Variants in TOGARAM2 observed in about 807,000 individuals in gnomAD.
TOGARAM2 encodes TOG array regulator of axonemal microtubules protein 2.
In TOGARAM2, 85 loss-of-function variants were observed where a neutral mutation model predicts 93.3. That is an observed-to-expected ratio of 0.91 (90% confidence interval 0.76 to 1.09). The LOEUF (loss-of-function observed/expected upper bound fraction) is 1.09. Among genes scored for constraint, TOGARAM2 ranks in the 50% least tolerant of loss-of-function variants. The pLI is 0.00. For synonymous variants in TOGARAM2, 593 were observed against 552.8 expected (o/e 1.07, Z -1.02); for missense variants, 1,277 against 1,334.5 (o/e 0.96, Z 0.67).
intron 1 of TOGARAM2, among the ~76,000 whole-genome samples, chr2:28,965,038 G>A (rs574038720): frequency 5.3e-5 from 8 of 152,154 alleles, no homozygotes; most frequent in South Asian, 2.1e-4. Context: ...TGGTATTTCC[G>A]GTTCTAGATC....
rs1239999924 is a variant in TOGARAM2, at chr2:28,999,388, G to C, written c.347G>C (p.Ser116Thr). Residue 116 changes from serine (S) to threonine (T), a missense_variant, in exon 4 of 20, where the codon AGC becomes ACC. Coordinates refer to ENST00000379558, the MANE Select transcript of TOGARAM2 (RefSeq NM_199280.4). The stretch of plus-strand genomic sequence containing the variant: ...CCTTCTCCGGAGTCAGAGGCCAACA[G>C]CGTGGCCAGGGACACCATCCAGATT... ...LLPSPESEAN[S>T]VARDTIQIKD... 6.2e-7 allele frequency: 1 copy of C among 1,613,428 alleles called. No homozygotes were observed. The highest frequency in any genetic ancestry group is 8.5e-7 in the Non-Finnish European group (1 of 1,179,686).
chr2:29,029,300 G>GACACACACACACAC (rs1558453550), intron 14 of TOGARAM2, among the ~76,000 whole-genome samples: 5 of 86,092 alleles, frequency 5.8e-5, no homozygotes. Flanking sequence ...CACACACACT[G>GACACACACACACAC]GAATACTTAG....
chr2:29,034,460 G>A (rs879633331), intron 16 of TOGARAM2, among the ~76,000 whole-genome samples: 6 of 152,198 alleles, frequency 3.9e-5, no homozygotes, highest in Admixed American at 3.9e-4. Flanking sequence ...AGCTCCTAAC[G>A]GCAAAGGCTG....
Position 29,024,056 on chromosome 2 carries a change from G to A in TOGARAM2, c.1618-83G>A, listed in dbSNP as rs61630439. 8.9e-3 allele frequency: 10,370 copies of A among 1,162,852 alleles called. 479 individuals are homozygous for A. The African/African-American group carries it at 0.11, about 13-fold the overall frequency. The allele number at this position is 1,162,852 out of a possible 1,614,324, so 72.0% of individuals were successfully genotyped here. The stretch of plus-strand genomic sequence containing the variant: ...GGGAAGGGTGGGGGTGGAGGAAGAG[G>A]GTGGTGCAGGGCCCATTTTCCATGC... On this transcript the variant is annotated intron_variant, in intron 12 of 19. Transcript: ENST00000379558.
chr2:29,017,984 G>A (rs752866935), intron 10 of TOGARAM2, 28 bp downstream of exon 10: 14 of 1,564,766 alleles, frequency 8.9e-6, no homozygotes, highest in South Asian at 4.8e-5. Flanking sequence ...GCAGGCACAC[G>A]TGTCCCTCTG....
intron 1 of TOGARAM2, among the ~76,000 whole-genome samples, chr2:28,964,848 C>T (rs1231398825): frequency 6.6e-6 from 1 of 152,164 alleles, no homozygotes; most frequent in Non-Finnish European, 1.5e-5. Flanking sequence ...CATAGTATTC[C>T]ATGGTGTATG....
chr2:29,013,475 C>T (rs147555640), intron 7 of TOGARAM2, among the ~76,000 whole-genome samples: 2 of 152,168 alleles, frequency 1.3e-5, no homozygotes, highest in Admixed American at 6.5e-5. Flanking sequence ...AGTCCAAGTT[C>T]GAAAGCCTCA....
intron 1 of TOGARAM2, among the ~76,000 whole-genome samples, chr2:28,963,810 C>G (rs936095379): frequency 6.6e-6 from 1 of 152,132 alleles, no homozygotes; most frequent in Non-Finnish European, 1.5e-5. Context: ...GAGTTCAAGA[C>G]CAGCCTGGCC....
chr2:28,994,686 T>C, intron 1 of TOGARAM2, 39 bp from the exon 2 acceptor site: 1 of 707,772 alleles, frequency 1.4e-6, no homozygotes. Context: ...AAGTGTTAAT[T>C]TGCTTTTACT....
At chr2:29,045,283 C>T (rs371603728) in intron 18 of TOGARAM2, 41 bp from the exon 19 acceptor site, 42 of 1,535,576 alleles carry the variant, frequency 2.7e-5, no homozygotes, top group Admixed American at 2.2e-4. Flanking sequence ...TGTCACTCAG[C>T]CCCCAGCAGT....
chr2:29,026,432 C>A (rs757001943), intron 13 of TOGARAM2, among the ~76,000 whole-genome samples: 2 of 152,086 alleles, frequency 1.3e-5, no homozygotes, highest in South Asian at 4.2e-4. Context: ...ACAAAGACAG[C>A]GCTACCTTGG....
At chr2:29,033,139 GT>G in intron 15 of TOGARAM2, 88 bp downstream of exon 15, 1 of 1,032,290 alleles carries the variant, frequency 9.7e-7, no homozygotes. Flanking sequence ...GGTCAGGGGA[GT>G]GGGGAGTGGA....
chr2:28,991,289 G>A lies in TOGARAM2; in HGVS notation c.-110-3436G>A, dbSNP rs1184296688. On this transcript the variant is annotated intron_variant, in intron 1 of 19. Transcript: ENST00000379558. ...TCTGAGCCCACAGCCAGTGTTCTGG[G>A]AGTTCTGAGTTGGACACTGGGTGCA... Among the ~76,000 whole-genome samples, 4 of 152,256 alleles carry A rather than the reference G, an allele frequency of 2.6e-5. No individual in the cohort carries two copies. In the East Asian group the frequency reaches 7.7e-4, roughly 29 times the overall value.
rs557311925 is a variant in TOGARAM2, at chr2:29,014,631, T to C, written c.1044+70T>C. ...CGCAGGCTGCAGGAAGGCAAGCAAG[T>C]GTCTGAAGTATTCAAGAGTGGGACC... On this transcript the variant is annotated intron_variant, in intron 8 of 19. Coordinates refer to ENST00000379558, the MANE Select transcript of TOGARAM2 (RefSeq NM_199280.4). The C allele has an allele frequency of 4.6e-6, 7 of 1,516,490 alleles. No homozygotes were observed. The African/African-American group carries it at 8.3e-5, about 18-fold the overall frequency. 93.9% of individuals were successfully genotyped at this position (1,516,490 alleles called of 1,614,324 possible). A position where few individuals can be genotyped will look rare whatever the true frequency, so the allele number is the denominator to read the frequency against.
chr2:29,024,192 C>A lies in TOGARAM2; in HGVS notation c.1671C>A (p.Asp557Glu), dbSNP rs764866363. ...ACCTGGCCATCAGCACCTTGGGAGA[C>A]CTCTTCCAGGCCTTGAAGAAGAATA... ...VSHLAISTLG[D>E]LFQALKKNMD... Residue 557 changes from aspartate to glutamate, a missense_variant, in exon 13 of 20, where the codon GAC becomes GAA. Transcript: ENST00000379558. 6.2e-7 allele frequency: 1 copy of A among 1,603,572 alleles called. No homozygotes were observed. The highest frequency in any genetic ancestry group is 8.5e-7 in the Non-Finnish European group (1 of 1,174,928).
At chr2:29,006,114 C>T in intron 6 of TOGARAM2, among the ~76,000 whole-genome samples, 1 of 49,186 alleles carries the variant, frequency 2.0e-5, no homozygotes, top group African/African-American at 6.1e-5. Context: ...GTGTGGAGTG[C>T]ATATGTGTGT....
At chr2:28,975,027 A>G (rs1020419959) in intron 1 of TOGARAM2, among the ~76,000 whole-genome samples, 3 of 151,174 alleles carry the variant, frequency 2.0e-5, no homozygotes, top group Non-Finnish European at 4.4e-5. Context: ...TTCCTCTATC[A>G]TAGTCATATT....
At chr2:29,000,054 G>A (rs879357662) in intron 4 of TOGARAM2, among the ~76,000 whole-genome samples, 1 of 151,320 alleles carries the variant, frequency 6.6e-6, no homozygotes, top group Admixed American at 6.6e-5. Flanking sequence ...ATGTGAGTTT[G>A]CCCCTTAGGA....
Position 29,022,423 on chromosome 2 carries a change from A to G in TOGARAM2, c.1511+115A>G. The G allele has an allele frequency of 2.8e-6, 4 of 1,425,852 alleles. No homozygotes were observed. In the South Asian group the frequency reaches 5.3e-5, roughly 19 times the overall value. 88.3% of individuals were successfully genotyped at this position (1,425,852 alleles called of 1,614,324 possible). The stretch of plus-strand genomic sequence containing the variant: ...CCACTCTGGGGTTCCAGCACCATGG[A>G]GCATAAAAGCCAGTTTGGAGGGAGG... On this transcript the variant is annotated intron_variant, in intron 11 of 19. Coordinates refer to ENST00000379558, the MANE Select transcript of TOGARAM2 (RefSeq NM_199280.4).
Sources: gnomAD v4.1 joint callset for allele counts (sites outside exome capture counted in the v4.1 genomes callset) on GRCh38, gnomAD v4.1.1 for gene constraint, MANE v1.5 for transcripts, NCBI Gene and HGNC (gene_info 2026-07-23, HGNC 2026-07-21) for gene names.